Variants in PARD3B observed in about 807,000 individuals in gnomAD.
PARD3B encodes partitioning defective 3 homolog B.
PARD3B carries 103 observed loss-of-function variants against 130.2 expected under a neutral mutation model. The ratio of observed to expected loss-of-function variants is 0.79; its 90% CI spans 0.67 to 0.93. PARD3B has a LOEUF of 0.93. PARD3B is among the 40% of genes least tolerant of loss of function. The probability of loss-of-function intolerance (pLI) is 0.00; values close to 1 mark genes in which losing one functional copy is unlikely to be tolerated. For synonymous variants in PARD3B, 583 were observed against 553.2 expected, an observed-to-expected ratio of 1.05 and a Z score of -0.76; for missense variants, 1,609 against 1,499.2, an observed-to-expected ratio of 1.07 and a Z score of -1.21.
At chr2:204,748,287 T>A (rs757300836) in intron 2 of PARD3B, among the ~76,000 whole-genome samples, 1 of 152,070 alleles carries the variant, frequency 6.6e-6, no homozygotes, top group Non-Finnish European at 1.5e-5. Flanking sequence ...AATTGTTCCA[T>A]GTGGAATGAT....
intron 2 of PARD3B, among the ~76,000 whole-genome samples, chr2:204,846,391 G>T (rs1575121410): frequency 6.6e-6 from 1 of 151,984 alleles, no homozygotes; most frequent in East Asian, 1.9e-4. Context: ...GCATTCAAAT[G>T]CTAGGTATCT....
chr2:204,608,048 AAGG>A (rs1046366754), intron 1 of PARD3B, among the ~76,000 whole-genome samples: 4 of 152,178 alleles, frequency 2.6e-5, no homozygotes. Flanking sequence ...CAGCACAGGC[AAGG>A]AGAAGTTTGC....
intron 18 of PARD3B, among the ~76,000 whole-genome samples, chr2:205,349,448 A>G (rs1413437167): frequency 6.6e-6 from 1 of 152,188 alleles, no homozygotes; most frequent in Non-Finnish European, 1.5e-5. Context: ...GTAGCATCCA[A>G]TTTGTTGTTT....
At chr2:205,175,029 C>T (rs1403503138) in intron 12 of PARD3B, among the ~76,000 whole-genome samples, 3 of 152,100 alleles carry the variant, frequency 2.0e-5, no homozygotes, top group East Asian at 1.9e-4. Context: ...GCCAGCTCAT[C>T]GTGGCAAAAG....
intron 11 of PARD3B, among the ~76,000 whole-genome samples, chr2:205,163,901 T>G (rs2034651408): frequency 6.6e-6 from 1 of 152,238 alleles, no homozygotes; most frequent in Non-Finnish European, 1.5e-5. Context: ...TTTCTACTGG[T>G]GGGAGAACCT....
rs2042312822 is a variant in PARD3B, at chr2:205,309,890, A to G, written c.2630+8189A>G. On this transcript the variant is annotated intron_variant, in intron 18 of 22. Transcript: ENST00000406610. The surrounding 1 kb of genome is among the most constrained non-coding windows in gnomAD (Gnocchi z 4.7). ...CCTAACTTGATAGACATTACTTCTT[A>G]TCCATCTATCTATCTATCTATCTAT... is the stretch of plus-strand genomic sequence containing the variant. Among the ~76,000 whole-genome samples, 1 of 67,340 alleles carries G rather than the reference A, an allele frequency of 1.5e-5. No individual in the cohort carries two copies. The highest frequency in any genetic ancestry group is 6.4e-5 in the African/African-American group (1 of 15,562). 44.2% of individuals were successfully genotyped at this position (67,340 alleles called of 152,430 possible).
rs557521734 is a variant in PARD3B, at chr2:205,156,301, T to C, written c.1435-2421T>C. Among the ~76,000 whole-genome samples the C allele has an allele frequency of 8.2e-3, 1,227 of 149,806 alleles. 16 individuals carry two copies. Among genetic ancestry groups the C allele is most frequent in the African/African-American group, 0.025 (992 of 40,282 alleles). On this transcript the variant is annotated intron_variant, in intron 10 of 22. Transcript: ENST00000406610. ...GGGGGAGGAATAGCATTAGGAGATA[T>C]ACCTAATGCTAAATGACGAGTTAAT...
At chr2:205,282,747 G>C (rs1363708871) in intron 16 of PARD3B, among the ~76,000 whole-genome samples, 5 of 152,202 alleles carry the variant, frequency 3.3e-5, no homozygotes, top group East Asian at 3.9e-4. Context: ...ATATTGCACA[G>C]AAAAGTTCTC....
chr2:204,761,503 C>G (rs1385310370), intron 2 of PARD3B, among the ~76,000 whole-genome samples: 1 of 151,866 alleles, frequency 6.6e-6, no homozygotes, highest in African/African-American at 2.4e-5. Context: ...AGTTGTGTGG[C>G]CACTTCTGGG....
In PARD3B at chr2:205,280,791, G is replaced by A. The variant is rs1359442387; in HGVS notation, c.2186-19739G>A. 6.6e-6 allele frequency among the ~76,000 whole-genome samples: 1 copy of A among 152,184 alleles called. No homozygotes were observed. Among genetic ancestry groups the A allele is most frequent in the Non-Finnish European group, 1.5e-5 (1 of 68,028 alleles). On this transcript the variant is annotated intron_variant, in intron 16 of 22. Coordinates refer to ENST00000406610, the MANE Select transcript of PARD3B (RefSeq NM_001302769.2). This position sits in a 1 kb window ranked among gnomAD's most constrained non-coding sequence, Gnocchi z 4.7. ...AATTTGTTGAGGCCTAAAGAAGTAA[G>A]CTCTTGATGGATGGGGAACAAACCA... is the stretch of plus-strand genomic sequence containing the variant.
chr2:204,790,978 G>A (rs2125475195), intron 2 of PARD3B, among the ~76,000 whole-genome samples: 1 of 152,164 alleles, frequency 6.6e-6, no homozygotes, highest in African/African-American at 2.4e-5. Flanking sequence ...AGTGGTGCAT[G>A]CCTGTAATTC....
At position 205,258,747 on chromosome 2, in the gene PARD3B, A is replaced by G. The variant is rs905172253; in HGVS notation, c.2185+12925A>G. Among the ~76,000 whole-genome samples, 5 of 152,194 alleles carry G rather than the reference A, an allele frequency of 3.3e-5. No homozygotes were observed. The highest frequency in any genetic ancestry group is 9.6e-5 in the African/African-American group (4 of 41,454). The stretch of plus-strand genomic sequence containing the variant: ...ATGTGTATGTCTTGTCCTAATAAAT[A>G]GCTGGATTTTGTTTTGATGTTCAAT... On this transcript the variant is annotated intron_variant, in intron 16 of 22. Coordinates refer to ENST00000406610, the MANE Select transcript of PARD3B (RefSeq NM_001302769.2). The surrounding 1 kb of genome is among the most constrained non-coding windows in gnomAD (Gnocchi z 4.9).
intron 19 of PARD3B, among the ~76,000 whole-genome samples, chr2:205,425,382 G>A (rs1226210408): frequency 4.6e-5 from 7 of 152,158 alleles, no homozygotes. Context: ...TAGGGAAAAT[G>A]TAAATTGCAA....
In PARD3B at chr2:205,100,810, C is replaced by A. The variant is rs935113618; in HGVS notation, c.505-3616C>A. 6.4e-4 allele frequency among the ~76,000 whole-genome samples: 97 copies of A among 152,050 alleles called. 2 individuals carry two copies. Among genetic ancestry groups the A allele is most frequent in the Non-Finnish European group, 6.5e-4 (44 of 67,982 alleles). On this transcript the variant is annotated intron_variant, in intron 4 of 22. Coordinates refer to ENST00000406610, the MANE Select transcript of PARD3B (RefSeq NM_001302769.2). The stretch of plus-strand genomic sequence containing the variant: ...CACATGCAAAGAATGAATTTGAACT[C>A]CTTCCTCACACAGTGTGCAGGAATG...
rs527442541 is a variant in PARD3B at position 205,093,416 on chromosome 2, A to G, written c.505-11010A>G. ...GAAATCTTCACCTACCCCGAGATCA[A>G]TGAATGCCATGACAGAGCTTGCACA... On this transcript the variant is annotated intron_variant, in intron 4 of 22. Coordinates refer to ENST00000406610, the MANE Select transcript of PARD3B (RefSeq NM_001302769.2). 8.5e-5 allele frequency among the ~76,000 whole-genome samples: 13 copies of G among 152,266 alleles called. No homozygotes were observed. In the South Asian group the frequency reaches 2.3e-3, roughly 27 times the overall value.
At chr2:205,025,794 G>A (rs921490137) in intron 3 of PARD3B, among the ~76,000 whole-genome samples, 7 of 151,960 alleles carry the variant, frequency 4.6e-5, no homozygotes, top group African/African-American at 1.7e-4. Flanking sequence ...CCCAACCACC[G>A]AACACGATGC....
At chr2:205,127,083 T>C (rs940156968) in intron 10 of PARD3B, among the ~76,000 whole-genome samples, 2 of 151,832 alleles carry the variant, frequency 1.3e-5, no homozygotes, top group Admixed American at 6.6e-5. Context: ...GTGGATCACC[T>C]GAGGTCAGGA....
intron 16 of PARD3B, among the ~76,000 whole-genome samples, chr2:205,294,350 A>C (rs2105883312): frequency 6.6e-6 from 1 of 152,302 alleles, no homozygotes; most frequent in Admixed American, 6.5e-5. Flanking sequence ...GAAAAAAGAA[A>C]AACAAAAATG....
chr2:205,187,998 G>A lies in PARD3B; in HGVS notation c.2024+2135G>A, dbSNP rs1434425874. Among the ~76,000 whole-genome samples, 1 of 152,220 alleles carries A rather than the reference G, an allele frequency of 6.6e-6. No individual in the cohort carries two copies. Among genetic ancestry groups the A allele is most frequent in the Non-Finnish European group, 1.5e-5 (1 of 68,044 alleles). ...TTTCTGGAGCTCTGAGCCAGACACT[G>A]TAGAAAGAACTCAAATGGATTGGAA... On this transcript the variant is annotated intron_variant, in intron 14 of 22. Coordinates refer to ENST00000406610, the MANE Select transcript of PARD3B (RefSeq NM_001302769.2). The surrounding 1 kb of genome is among the most constrained non-coding windows in gnomAD (Gnocchi z 4.9).
Sources: allele counts gnomAD v4.1 joint callset (sites outside exome capture counted in the v4.1 genomes callset), GRCh38; gene constraint gnomAD v4.1.1; non-coding constraint Gnocchi (gnomAD v3.1); transcripts MANE v1.5; gene names NCBI Gene and HGNC (gene_info 2026-07-23, HGNC 2026-07-21).